Variants in CD302 observed in about 807,000 individuals in gnomAD.
CD302 encodes the protein CD302 molecule.
Under a neutral mutation model 26.5 loss-of-function variants are expected in CD302, and 23 were observed. That is an observed-to-expected ratio of 0.87 (90% CI 0.62 to 1.23). The LOEUF (loss-of-function observed/expected upper bound fraction) is 1.23. CD302 is among the 50% of genes most tolerant of loss of function. CD302 has a pLI of 0.00. For synonymous variants in CD302, 90 were observed against 99.4 expected (o/e 0.91, Z 0.56); for missense variants, 290 against 275.5 (o/e 1.05, Z -0.37).
intron 5 of CD302, among the ~76,000 whole-genome samples, chr2:159,776,195 A>C (rs1284898934): frequency 6.6e-6 from 1 of 151,656 alleles, no homozygotes; most frequent in African/African-American, 2.4e-5. Context: ...CTTCAGGTTT[A>C]TGCATGTTGT....
rs963049691 is a variant in CD302, at chr2:159,771,550, C to T, written c.*301G>A. The T allele has an allele frequency of 1.5e-5, 4 of 258,542 alleles. No homozygotes were observed. Among genetic ancestry groups the T allele is most frequent in the African/African-American group, 9.1e-5 (4 of 44,054 alleles). The allele number at this position is 258,542 out of a possible 1,614,324, so 16.0% of individuals were successfully genotyped here. A position where few individuals can be genotyped will look rare whatever the true frequency, so the allele number is the denominator to read the frequency against. Reference sequence around the variant, plus strand: ...AATAGGGAAGATACAGCAGGCAAGACAAATAGGCTGGGCTTTTATTTTTAT... The same window carrying T: ...AATAGGGAAGATACAGCAGGCAAGATAAATAGGCTGGGCTTTTATTTTTAT... On this transcript the variant is annotated 3_prime_UTR_variant, in exon 6 of 6. Transcript: ENST00000259053.
At chr2:159,792,605 G>A (rs1274582407) in intron 1 of CD302, among the ~76,000 whole-genome samples, 1 of 152,080 alleles carries the variant, frequency 6.6e-6, no homozygotes, top group Non-Finnish European at 1.5e-5. Flanking sequence ...GACCATTGCT[G>A]AATAACTAAG....
intron 5 of CD302, among the ~76,000 whole-genome samples, chr2:159,773,104 C>T (rs180907620): frequency 5.9e-5 from 9 of 152,336 alleles, no homozygotes; most frequent in South Asian, 2.1e-4. Context: ...CGGCAACCTC[C>T]GCCTTCTGGG....
At chr2:159,775,301 A>G (rs1190704506) in intron 5 of CD302, among the ~76,000 whole-genome samples, 1 of 152,260 alleles carries the variant, frequency 6.6e-6, no homozygotes, top group Non-Finnish European at 1.5e-5. Context: ...GCACATATAT[A>G]CATGCATACA....
intron 2 of CD302, 69 bp from the exon 3 acceptor site, chr2:159,781,067 A>C (rs551622124): frequency 2.3e-5 from 28 of 1,227,454 alleles, no homozygotes; most frequent in Non-Finnish European, 3.0e-5. Flanking sequence ...AGGTACATAA[A>C]AATAATAAAT....
chr2:159,791,735 A>G (rs1294329718), intron 1 of CD302, among the ~76,000 whole-genome samples: 1 of 152,204 alleles, frequency 6.6e-6, no homozygotes, highest in Non-Finnish European at 1.5e-5. Flanking sequence ...AATCGTGGAC[A>G]TGTTATTTAA....
At chr2:159,790,504 T>C (rs6747436) in intron 1 of CD302, among the ~76,000 whole-genome samples, 11,316 of 152,216 alleles carry the variant, frequency 0.074, 866 homozygotes, top group African/African-American at 0.19. Context: ...CTCCTTCCCC[T>C]CTCTGCTGCC....
At chr2:159,777,647 ATATATT>A (rs1474026471) in intron 5 of CD302, among the ~76,000 whole-genome samples, 4 of 152,218 alleles carry the variant, frequency 2.6e-5, no homozygotes, top group East Asian at 3.8e-4. Flanking sequence ...ACAATATATG[ATATATT>A]TATAAAGTAT....
At chr2:159,784,346 CTTTTTTTTTTTTTTT>C (rs151184238) in intron 1 of CD302, among the ~76,000 whole-genome samples, 1 of 53,066 alleles carries the variant, frequency 1.9e-5, no homozygotes, top group African/African-American at 7.7e-5. Flanking sequence ...TTAAGTTCTG[CTTTTTTTTTTTTTTT>C]TTTTTTTTTT....
intron 1 of CD302, among the ~76,000 whole-genome samples, chr2:159,791,237 A>G (rs1708798988): frequency 6.6e-6 from 1 of 152,218 alleles, no homozygotes; most frequent in South Asian, 2.1e-4. Context: ...GATTTATTGT[A>G]CAGATACATG....
intron 3 of CD302, among the ~76,000 whole-genome samples, chr2:159,780,420 A>T (rs1441694822): frequency 6.6e-6 from 1 of 152,126 alleles, no homozygotes; most frequent in Non-Finnish European, 1.5e-5. Context: ...TAATATTCTC[A>T]TGGGAAAAAA....
At chr2:159,792,422 C>CTGTATGTG (rs1708831763) in intron 1 of CD302, among the ~76,000 whole-genome samples, 1 of 145,202 alleles carries the variant, frequency 6.9e-6, no homozygotes. Flanking sequence ...AGAACCAACT[C>CTGTATGTG]TGTGTGTGTG....
chr2:159,782,595 C>A (rs946222976), intron 2 of CD302, among the ~76,000 whole-genome samples: 2 of 151,420 alleles, frequency 1.3e-5, no homozygotes, highest in Admixed American at 6.6e-5. Context: ...ATAGCTAGCG[C>A]ACGCCTGTAG....
chr2:159,775,891 CTTT>C (rs70997201), intron 5 of CD302, among the ~76,000 whole-genome samples: 2 of 146,450 alleles, frequency 1.4e-5, no homozygotes, highest in Non-Finnish European at 1.5e-5. Context: ...GCTTATTTTT[CTTT>C]TTTTTTTGTG....
At chr2:159,786,904 C>T (rs1187025124) in intron 1 of CD302, among the ~76,000 whole-genome samples, 1 of 152,172 alleles carries the variant, frequency 6.6e-6, no homozygotes, top group African/African-American at 2.4e-5. Flanking sequence ...AAGGTCATCT[C>T]TAACCTAACT....
chr2:159,777,433 G>C (rs1359937344), intron 5 of CD302, among the ~76,000 whole-genome samples: 3 of 152,152 alleles, frequency 2.0e-5, no homozygotes, highest in African/African-American at 7.2e-5. Flanking sequence ...CATGATTCAA[G>C]CATTTTGAAA....
chr2:159,788,438 T>C (rs1020506563), intron 1 of CD302, among the ~76,000 whole-genome samples: 4 of 152,220 alleles, frequency 2.6e-5, no homozygotes, highest in Admixed American at 2.0e-4. Flanking sequence ...GTGGCCTAGG[T>C]GTGTAGTAGG....
At chr2:159,796,310 C>T (rs1005022418) in intron 1 of CD302, among the ~76,000 whole-genome samples, 1 of 152,116 alleles carries the variant, frequency 6.6e-6, no homozygotes, top group Admixed American at 6.5e-5. Context: ...TTTTTCAGCC[C>T]TATAACATTA....
chr2:159,768,686 T>G lies in CD302; in HGVS notation c.*3165A>C, dbSNP rs1302633693. On this transcript the variant is annotated 3_prime_UTR_variant, in exon 6 of 6. Transcript: ENST00000259053. ...CTCATTTTAAGCAATAATATAAATG[T>G]TCTAAAACATTTGCTCACCTCTTGC... 1 of 152,640 alleles carries G rather than the reference T, an allele frequency of 6.6e-6. No individual in the cohort carries two copies. The highest frequency in any genetic ancestry group is 1.5e-5 in the Non-Finnish European group (1 of 68,022). The allele number at this position is 152,640 out of a possible 1,614,324, so 9.5% of individuals were successfully genotyped here.
Sources: gnomAD v4.1 joint callset for allele counts (sites outside exome capture counted in the v4.1 genomes callset) on GRCh38, gnomAD v4.1.1 for gene constraint, MANE v1.5 for transcripts, NCBI Gene and HGNC (gene_info 2026-07-23, HGNC 2026-07-21) for gene names.